UBASH3A: variants seen among roughly 807,000 people sequenced by gnomAD.
UBASH3A encodes the protein ubiquitin associated and SH3 domain containing A.
UBASH3A carries 63 observed loss-of-function variants against 73.5 expected under a neutral mutation model. The observed-to-expected ratio is 0.86, with a 90% CI of 0.70 to 1.06. The LOEUF (loss-of-function observed/expected upper bound fraction) is 1.06, where lower values mean the gene tolerates loss of function less well. UBASH3A is among the 50% of genes least tolerant of loss of function. The probability of loss-of-function intolerance (pLI) is 0.00; values close to 1 mark genes in which losing one functional copy is unlikely to be tolerated. For synonymous variants in UBASH3A, 363 were observed against 351.1 expected (o/e 1.03, Z -0.38); for missense variants, 860 against 859.0 (o/e 1.00, Z -0.02).
At chr21:42,425,386 A>T (rs1226444598) in intron 7 of UBASH3A, among the ~76,000 whole-genome samples, 1 of 152,216 alleles carries the variant, frequency 6.6e-6, no homozygotes, top group Non-Finnish European at 1.5e-5. Flanking sequence ...CTGCAGAGCG[A>T]GCCGCAGGGA....
At chr21:42,410,171 A>G in intron 3 of UBASH3A, 2 of 701,918 alleles carry the variant, frequency 2.8e-6, no homozygotes, top group Non-Finnish European at 5.2e-6. Flanking sequence ...CCACAGCAAA[A>G]CACAATGGCC....
intron 14 of UBASH3A, among the ~76,000 whole-genome samples, chr21:42,445,492 C>A (rs1189389329): frequency 6.6e-6 from 1 of 152,212 alleles, no homozygotes; most frequent in East Asian, 1.9e-4. Flanking sequence ...GTGGGGGTTG[C>A]TGAGTCCCCC....
intron 8 of UBASH3A, among the ~76,000 whole-genome samples, chr21:42,429,339 G>A (rs1264835878): frequency 1.3e-5 from 2 of 152,202 alleles, no homozygotes; most frequent in Non-Finnish European, 2.9e-5. Context: ...AGCACCTTCT[G>A]TCTAGAGAAT....
Position 42,403,969 on chromosome 21 carries a change from CT to C in UBASH3A, c.25del (p.Tyr9ThrfsTer31). 6.6e-7 allele frequency: 1 copy of C among 1,521,414 alleles called. No individual in the cohort carries two copies. Among genetic ancestry groups the C allele is most frequent in the South Asian group, 1.2e-5 (1 of 80,352 alleles). The allele number at this position is 1,521,414 out of a possible 1,614,324, so 94.2% of individuals were successfully genotyped here. A position where few individuals can be genotyped will look rare whatever the true frequency, so the allele number is the denominator to read the frequency against. On this transcript the variant is annotated frameshift_variant, in exon 1 of 15. Transcript: ENST00000319294. LOFTEE classifies it high-confidence loss of function. MAAGETQL[Y>X]AKVSNKLKSR... ...AGATGGCAGCGGGGGAGACGCAGCT[CT>C]ACGCCAAGGTCTCCAACAAGCTCAA...
At chr21:42,443,543 A>G in intron 13 of UBASH3A, 125 bp downstream of exon 13, 1 of 760,754 alleles carries the variant, frequency 1.3e-6, no homozygotes. Context: ...CCCCGCCCCC[A>G]TTCTCCAGCA....
intron 14 of UBASH3A, among the ~76,000 whole-genome samples, chr21:42,446,035 T>C (rs1312438531): frequency 1.3e-5 from 2 of 152,012 alleles, no homozygotes; most frequent in African/African-American, 4.8e-5. Flanking sequence ...ATACCAAGCC[T>C]CCAGCCCCAG....
intron 14 of UBASH3A, among the ~76,000 whole-genome samples, chr21:42,444,911 G>C (rs568514174): frequency 6.6e-6 from 1 of 151,458 alleles, no homozygotes; most frequent in East Asian, 2.0e-4. Flanking sequence ...TGCAGCTCTC[G>C]TAGAAAAACA....
intron 11 of UBASH3A, 104 bp from the exon 12 acceptor site, chr21:42,442,348 A>T: frequency 8.4e-7 from 1 of 1,183,922 alleles, no homozygotes; most frequent in East Asian, 2.3e-5. Context: ...AAAAGGCATG[A>T]TTTAGACGTG....
At position 42,434,956 on chromosome 21, in the gene UBASH3A, TATGTTTGAGGA is replaced by T; in HGVS notation, c.1393+3_1393+13del. On this transcript the variant is annotated splice_donor_5th_base_variant and intron_variant, in intron 10 of 14. Coordinates refer to ENST00000319294, the MANE Select transcript of UBASH3A (RefSeq NM_018961.4). Reference sequence around the variant, plus strand: ...GCATTTTCCAGTCCAGAATTGCAGGTATGTTTGAGGACTGTCTAGTAGGAAAGGTAACAATA... The same window carrying T: ...GCATTTTCCAGTCCAGAATTGCAGGTCTGTCTAGTAGGAAAGGTAACAATA... The T allele has an allele frequency of 6.2e-7, 1 of 1,613,930 alleles. No homozygotes were observed. Among genetic ancestry groups the T allele is most frequent in the Non-Finnish European group, 8.5e-7 (1 of 1,179,934 alleles).
rs759734171 is a variant in UBASH3A, at chr21:42,443,328, T to G, written c.1648T>G (p.Ser550Ala). The change falls in exon 13 of 15, where the codon TCC (serine) becomes GCC (alanine). Residue 550 changes from serine (S) to alanine (A), a missense_variant. Ser to Ala is a moderately conservative substitution (Grantham distance 99). Transcript: ENST00000319294. ...TCCTTCCAGGCCCGCGTTTCCCCTG[T>G]CCGCCCTCATGCCGGCCGAGAGCTA... is the stretch of plus-strand genomic sequence containing the variant. The part of the protein sequence containing the change: ...DTDYRPAFPL[S>A]ALMPAESYQE... 1.8e-5 allele frequency: 29 copies of G among 1,612,956 alleles called. 1 individual carries two copies. The South Asian group carries it at 3.0e-4, about 17-fold the overall frequency.
intron 9 of UBASH3A, among the ~76,000 whole-genome samples, chr21:42,433,774 A>G (rs796802300): frequency 7.9e-5 from 12 of 152,162 alleles, no homozygotes; most frequent in African/African-American, 2.7e-4. Context: ...CTATATGGAA[A>G]CTAAAATGCA....
At position 42,439,950 on chromosome 21, in the gene UBASH3A, C is replaced by T. The variant is rs527868698; in HGVS notation, c.1486+2370C>T. ...CACACACATACACACACCACACACA[C>T]GACACACACCACACATCCACACACA... On this transcript the variant is annotated intron_variant, in intron 11 of 14. Coordinates refer to ENST00000319294, the MANE Select transcript of UBASH3A (RefSeq NM_018961.4). Among the ~76,000 whole-genome samples the T allele has an allele frequency of 2.4e-4, 33 of 140,192 alleles. No individual in the cohort carries two copies. In the South Asian group the frequency reaches 3.8e-3, roughly 16 times the overall value. The allele number at this position is 140,192 out of a possible 152,430, so 92.0% of individuals were successfully genotyped here.
rs1221809973 is a variant in UBASH3A at position 42,444,515 on chromosome 21, G to T, written c.1739-19G>T. 1 of 1,592,062 alleles carries T rather than the reference G, an allele frequency of 6.3e-7. No homozygotes were observed. Among genetic ancestry groups the T allele is most frequent in the Non-Finnish European group, 8.6e-7 (1 of 1,163,754 alleles). ...TCTCTGGGGCTGCTTTGACCTGGAG[G>T]TGTTCTTGTTTTCCACAGCGGGTGT... On this transcript the variant is annotated intron_variant, in intron 13 of 14. Coordinates refer to ENST00000319294, the MANE Select transcript of UBASH3A (RefSeq NM_018961.4).
chr21:42,403,959 A>G lies in UBASH3A; in HGVS notation c.14A>G (p.Glu5Gly). The G allele has an allele frequency of 6.6e-7, 1 of 1,510,338 alleles. No homozygotes were observed. The highest frequency in any genetic ancestry group is 8.9e-7 in the Non-Finnish European group (1 of 1,123,112). 93.6% of individuals were successfully genotyped at this position (1,510,338 alleles called of 1,614,324 possible). The stretch of plus-strand genomic sequence containing the variant: ...GGGCAGGAAGAGATGGCAGCGGGGG[A>G]GACGCAGCTCTACGCCAAGGTCTCC... MAAG[E>G]TQLYAKVSNK... The change falls in exon 1 of 15, where the codon GAG (glutamate) becomes GGG (glycine). Residue 5 changes from glutamate (E) to glycine (G), a missense_variant. By Grantham distance (98) the Glu-to-Gly change is moderately conservative (BLOSUM62 -2). Transcript: ENST00000319294.
At chr21:42,408,386 T>C (rs2053021218) in intron 2 of UBASH3A, among the ~76,000 whole-genome samples, 1 of 152,234 alleles carries the variant, frequency 6.6e-6, no homozygotes, top group African/African-American at 2.4e-5. Context: ...ACCTTCTAAC[T>C]TTCTTCTAAA....
intron 2 of UBASH3A, 75 bp downstream of exon 2, chr21:42,406,436 G>A (rs2052978150): frequency 7.7e-7 from 1 of 1,299,754 alleles, no homozygotes; most frequent in African/African-American, 1.5e-5. Context: ...CCTCCCACCA[G>A]GGCTGATACC....
Position 42,418,628 on chromosome 21 carries a change from T to A in UBASH3A, c.1046+19T>A. ...AGCACAGGTGAGTGCTGCCTCTGGC[T>A]GCAGCCCCGTCATCTCTCTCTGAGT... On this transcript the variant is annotated intron_variant, in intron 7 of 14. Transcript: ENST00000319294. 1.2e-6 allele frequency: 2 copies of A among 1,603,142 alleles called. No homozygotes were observed. The highest frequency in any genetic ancestry group is 8.5e-7 in the Non-Finnish European group (1 of 1,172,870).
chr21:42,419,194 T>C lies in UBASH3A; in HGVS notation c.1046+585T>C, dbSNP rs564338686. 7.2e-5 allele frequency among the ~76,000 whole-genome samples: 11 copies of C among 152,288 alleles called. No homozygotes were observed. The East Asian group carries it at 2.1e-3, about 29-fold the overall frequency. ...GGTGGGAGTGATTTCCTTGAAGCTGTAGGGCTCCTGGTGAGTTGCTTCTTC... is the reference window on the plus strand; with the variant it reads ...GGTGGGAGTGATTTCCTTGAAGCTGCAGGGCTCCTGGTGAGTTGCTTCTTC... On this transcript the variant is annotated intron_variant, in intron 7 of 14. Coordinates refer to ENST00000319294, the MANE Select transcript of UBASH3A (RefSeq NM_018961.4).
intron 13 of UBASH3A, among the ~76,000 whole-genome samples, chr21:42,443,673 A>G (rs1299680418): frequency 1.4e-5 from 2 of 145,108 alleles, no homozygotes; most frequent in Admixed American, 6.9e-5. Flanking sequence ...GAGGGGAATG[A>G]TCTCTGAGAT....
Sources: gnomAD v4.1 joint callset for allele counts (sites outside exome capture counted in the v4.1 genomes callset) on GRCh38, gnomAD v4.1.1 for gene constraint, MANE v1.5 for transcripts, NCBI Gene and HGNC (gene_info 2026-07-23, HGNC 2026-07-21) for gene names.